Variants in ADAM20 observed in about 807,000 individuals in gnomAD.
ADAM20 encodes disintegrin and metalloproteinase domain-containing protein 20.
For synonymous variants in ADAM20, 305 were observed against 310.2 expected (o/e 0.98, Z 0.18); for missense variants, 871 against 883.2 (o/e 0.99, Z 0.18).
upstream of ADAM20, among the ~76,000 whole-genome samples, chr14:70,537,809 T>C (rs1481779856): frequency 6.6e-6 from 1 of 152,186 alleles, no homozygotes; most frequent in Non-Finnish European, 1.5e-5. Context: ...AATTAAATAA[T>C]GACAGCTGAT....
intron 1 of ADAM20, among the ~76,000 whole-genome samples, chr14:70,527,208 A>G (rs553951718): frequency 6.5e-4 from 99 of 152,166 alleles, no homozygotes; most frequent in Non-Finnish European, 1.2e-3. Flanking sequence ...TGCTGAAAAT[A>G]AAATCCTATC....
the ADAM20 span, among the ~76,000 whole-genome samples, chr14:70,560,353 T>C: frequency 2.0e-5 from 3 of 152,170 alleles, no homozygotes; most frequent in Non-Finnish European, 4.4e-5. Context: ...GGCACATGGC[T>C]GAATAAAGAT....
At chr14:70,573,436 G>C in the ADAM20 span, among the ~76,000 whole-genome samples, 1 of 152,148 alleles carries the variant, frequency 6.6e-6, no homozygotes, top group Non-Finnish European at 1.5e-5. Context: ...CAAGGGTGGG[G>C]GACGAAGATG....
chr14:70,543,293 T>C, the ADAM20 span, among the ~76,000 whole-genome samples: 1 of 152,232 alleles, frequency 6.6e-6, no homozygotes, highest in Non-Finnish European at 1.5e-5. Context: ...TTACCGACTC[T>C]ACTATTTGCA....
At chr14:70,525,053 A>C in intron 1 of ADAM20, 120 bp from the exon 2 acceptor site, 1 of 870,938 alleles carries the variant, frequency 1.1e-6, no homozygotes, top group Non-Finnish European at 1.7e-6. Context: ...GGATTCTCTT[A>C]ATACATATGG....
Position 70,524,408 on chromosome 14 carries a change from C to G in ADAM20, c.350G>C (p.Gly117Ala). The change falls in exon 2 of 2, where the codon GGG (glycine) becomes GCG (alanine). Residue 117 changes from glycine (G) to alanine (A), a missense_variant. Coordinates refer to ENST00000256389, the MANE Select transcript of ADAM20 (RefSeq NM_003814.5). ...AAGGGCAACCAAGGACTCAGGGACC[C>G]CCTCCACATAACCATGGTAGTAGCA... ...DDCYYHGYVE[G>A]VPESLVALST... The G allele has an allele frequency of 6.2e-7, 1 of 1,613,980 alleles. No individual in the cohort carries two copies. The highest frequency in any genetic ancestry group is 8.5e-7 in the Non-Finnish European group (1 of 1,179,914).
chr14:70,554,874 G>T, the ADAM20 span, among the ~76,000 whole-genome samples: 1 of 152,190 alleles, frequency 6.6e-6, no homozygotes. Flanking sequence ...GGAACGAAGG[G>T]ATTTATTGAA....
the ADAM20 span, among the ~76,000 whole-genome samples, chr14:70,544,351 T>C: frequency 6.6e-6 from 1 of 152,172 alleles, no homozygotes; most frequent in African/African-American, 2.4e-5. Flanking sequence ...AATAATTACA[T>C]GCCTCAAAAT....
chr14:70,574,844 C>A, the ADAM20 span, among the ~76,000 whole-genome samples: 1 of 150,140 alleles, frequency 6.7e-6, no homozygotes, highest in African/African-American at 2.4e-5. Flanking sequence ...TAATGGTATA[C>A]CATTCAACCT....
chr14:70,573,605 C>T, the ADAM20 span, among the ~76,000 whole-genome samples: 1,412 of 152,202 alleles, frequency 9.3e-3, 26 homozygotes, highest in African/African-American at 0.032. Flanking sequence ...TGAGTGACTA[C>T]AAAAACAAGA....
chr14:70,557,508 T>C, the ADAM20 span: 2 of 152,254 alleles, frequency 1.3e-5, no homozygotes, highest in Admixed American at 6.5e-5. Context: ...TACACTTTTA[T>C]CAGAGTACTG....
chr14:70,528,348 G>A (rs1267406562), intron 1 of ADAM20, among the ~76,000 whole-genome samples: 1 of 152,194 alleles, frequency 6.6e-6, no homozygotes, highest in African/African-American at 2.4e-5. Context: ...TTTAGATATG[G>A]TTGTGAGGAA....
At chr14:70,544,913 GTAA>G in the ADAM20 span, among the ~76,000 whole-genome samples, 1 of 151,964 alleles carries the variant, frequency 6.6e-6, no homozygotes, top group Non-Finnish European at 1.5e-5. Flanking sequence ...GTTCTTGAAA[GTAA>G]TAATAAAATT....
At chr14:70,541,941 T>C in the ADAM20 span, among the ~76,000 whole-genome samples, 1 of 152,240 alleles carries the variant, frequency 6.6e-6, no homozygotes, top group Admixed American at 6.5e-5. Context: ...GTCTGGTTTA[T>C]ATAAGTGGTT....
rs1398534588 is a variant in ADAM20 at position 70,523,724 on chromosome 14, C to A, written c.1034G>T (p.Gly345Val). The change falls in exon 2 of 2, where the codon GGT (glycine) becomes GTT (valine). Residue 345 changes from glycine (G) to valine (V), a missense_variant. By Grantham distance (109) the Gly-to-Val change is moderately radical. Coordinates refer to ENST00000256389, the MANE Select transcript of ADAM20 (RefSeq NM_003814.5). ...GTCATGTTGCATACCCAAATTATGA[C>A]CAAGCTCGTGGCCCAAAGTAATTGC... is the stretch of plus-strand genomic sequence containing the variant. ...VFAITLGHEL[G>V]HNLGMQHDTQ... is the part of the protein sequence containing the mutation. The A allele has an allele frequency of 1.2e-6, 2 of 1,613,934 alleles. No individual in the cohort carries two copies. Among genetic ancestry groups the A allele is most frequent in the Non-Finnish European group, 1.7e-6 (2 of 1,179,964 alleles).
the ADAM20 span, among the ~76,000 whole-genome samples, chr14:70,576,743 G>C: frequency 6.6e-6 from 1 of 152,198 alleles, no homozygotes. Flanking sequence ...AGGGACATGA[G>C]GGGGAAGGAG....
the ADAM20 span, among the ~76,000 whole-genome samples, chr14:70,560,507 TGACA>T: frequency 6.6e-6 from 1 of 152,120 alleles, no homozygotes; most frequent in Non-Finnish European, 1.5e-5. Context: ...AAAAGAAATG[TGACA>T]GACTCATAGA....
intron 1 of ADAM20, among the ~76,000 whole-genome samples, chr14:70,534,191 T>A (rs372633931): frequency 1.3e-5 from 2 of 151,572 alleles, no homozygotes; most frequent in African/African-American, 2.4e-5. Flanking sequence ...TTTATACTTA[T>A]AGAAGCCTTC....
the ADAM20 span, among the ~76,000 whole-genome samples, chr14:70,541,801 T>C: frequency 1.3e-5 from 2 of 152,234 alleles, no homozygotes; most frequent in Non-Finnish European, 2.9e-5. Context: ...TTATCAGTAA[T>C]AATTACACTA....
Sources: allele counts gnomAD v4.1 joint callset (sites outside exome capture counted in the v4.1 genomes callset), GRCh38; gene constraint gnomAD v4.1.1; transcripts MANE v1.5; gene names NCBI Gene and HGNC (gene_info 2026-07-23, HGNC 2026-07-21).